Variants in GOT1 observed in about 807,000 individuals in gnomAD.
GOT1 encodes the protein glutamic-oxaloacetic transaminase 1, also known as aspartate aminotransferase, cytoplasmic.
A neutral mutation model predicts 48.2 loss-of-function variants in GOT1; 25 were observed. The observed-to-expected ratio is 0.52, with a 90% CI of 0.38 to 0.72. The LOEUF (loss-of-function observed/expected upper bound fraction) is 0.72, where lower values mean the gene tolerates loss of function less well. Among genes scored for constraint, GOT1 ranks in the 30% least tolerant of loss-of-function variants. The pLI is 0.00. For synonymous variants in GOT1, 188 were observed against 193.8 expected (o/e 0.97, Z 0.25); for missense variants, 380 against 520.1 (o/e 0.73, Z 2.62).
intron 4 of GOT1, 45 bp from the exon 5 acceptor site, chr10:99,405,905 T>C (rs760586664): frequency 9.3e-5 from 102 of 1,091,786 alleles, no homozygotes; most frequent in Middle Eastern, 2.0e-4. Context: ...GATGGGAATA[T>C]TGGGAGACAG....
chr10:99,429,340 G>A (rs2033083700), intron 1 of GOT1, among the ~76,000 whole-genome samples: 1 of 147,924 alleles, frequency 6.8e-6, no homozygotes, highest in African/African-American at 2.5e-5. Context: ...GAGCCACCGC[G>A]CCCGGCCGAC....
intron 2 of GOT1, among the ~76,000 whole-genome samples, chr10:99,414,154 TAA>T (rs1275358593): frequency 9.9e-5 from 15 of 152,082 alleles, no homozygotes; most frequent in Non-Finnish European, 1.8e-4. Context: ...GCAAATTGGA[TAA>T]AGAGTCAAGA....
Position 99,428,078 on chromosome 10 carries a change from T to C in GOT1, c.118+2370A>G, listed in dbSNP as rs529246046. ...CTTCTGGCCTGTGCTGTCGGGGTGC[T>C]TTTTCTCTGCAGGAGCAGTTTATTT... On this transcript the variant is annotated intron_variant, in intron 1 of 8. Transcript: ENST00000370508. Among the ~76,000 whole-genome samples, 3 of 152,322 alleles carry C rather than the reference T, an allele frequency of 2.0e-5. No homozygotes were observed. In the South Asian group the frequency reaches 6.2e-4, roughly 32 times the overall value.
intron 5 of GOT1, 87 bp from the exon 6 acceptor site, chr10:99,403,961 A>T: frequency 7.8e-7 from 1 of 1,283,192 alleles, no homozygotes. Context: ...TGATGCCTGG[A>T]GGGAATTTCA....
In GOT1 at chr10:99,403,581, G is replaced by C. The variant is rs1589935156; in HGVS notation, c.847C>G (p.Gln283Glu). ...ATCTTCTCCATCTGGGAAAGGACTTGCAGGATGCTCTCAGGTTCTTTTCCA... is the reference window on the plus strand; with the variant it reads ...ATCTTCTCCATCTGGGAAAGGACTTCCAGGATGCTCTCAGGTTCTTTTCCA... ...VVGKEPESIL[Q>E]VLSQMEKIVR... is the part of the protein sequence containing the mutation. Residue 283 changes from glutamine to glutamate, a missense_variant, in exon 7 of 9, where the codon CAA (glutamine) becomes GAA (glutamate). Gln to Glu is a conservative substitution (Grantham distance 29). Transcript: ENST00000370508. 3.7e-6 allele frequency: 6 copies of C among 1,614,104 alleles called. No individual in the cohort carries two copies. In the East Asian group the frequency reaches 1.1e-4, roughly 30 times the overall value.
chr10:99,430,317 G>C (rs767002340), intron 1 of GOT1, 131 bp downstream of exon 1: 77 of 1,598,550 alleles, frequency 4.8e-5, no homozygotes, highest in Non-Finnish European at 6.4e-5. Flanking sequence ...CGTGGATCCA[G>C]CCTCCTCTCC....
chr10:99,430,103 C>T lies in GOT1; in HGVS notation c.118+345G>A, dbSNP rs1194673802. On this transcript the variant is annotated intron_variant, in intron 1 of 8. Transcript: ENST00000370508. ...CAACCAGAACCCTAAGCCTATCAGG[C>T]TTCCTATTTTTCTACCTCTCTCTAC... 3.1e-5 allele frequency: 14 copies of T among 457,820 alleles called. No homozygotes were observed. The East Asian group carries it at 8.0e-4, about 26-fold the overall frequency. The allele number at this position is 457,820 out of a possible 1,614,324, so 28.4% of individuals were successfully genotyped here. A position where few individuals can be genotyped will look rare whatever the true frequency, so the allele number is the denominator to read the frequency against.
At position 99,397,175 on chromosome 10, in the gene GOT1, A is replaced by G. The variant is rs1355696250; in HGVS notation, c.*372T>C. ...CCCACATTCACACTTTGGCTCCTTC[A>G]GACAACTTGATCTTTGGGACTAGAA... On this transcript the variant is annotated 3_prime_UTR_variant, in exon 9 of 9. Transcript: ENST00000370508. The surrounding 1 kb of genome is among the most constrained non-coding windows in gnomAD (Gnocchi z 5.4). The G allele has an allele frequency of 5.4e-6, 1 of 184,184 alleles. No individual in the cohort carries two copies. Among genetic ancestry groups the G allele is most frequent in the Admixed American group, 5.4e-5 (1 of 18,498 alleles). 11.4% of individuals were successfully genotyped at this position (184,184 alleles called of 1,614,324 possible). A position where few individuals can be genotyped will look rare whatever the true frequency, so the allele number is the denominator to read the frequency against.
Position 99,403,489 on chromosome 10 carries a change from G to A in GOT1, c.939C>T (p.Asn313=), listed in dbSNP as rs1402617800. The stretch of plus-strand genomic sequence containing the variant: ...CTTACCATTCCTCAAAGAGCTCAGG[G>A]TTAGAGAGGGTGCTGGCCACAATTC... ...GARIVASTLS[N]PELFEEWTGN... Residue 313 remains asparagine, a synonymous_variant, in exon 7 of 9, where the codon AAC becomes AAT. Transcript: ENST00000370508. 1 of 1,614,000 alleles carries A rather than the reference G, an allele frequency of 6.2e-7. No individual in the cohort carries two copies. The highest frequency in any genetic ancestry group is 2.2e-5 in the East Asian group (1 of 44,880).
At position 99,422,936 on chromosome 10, in the gene GOT1, A is replaced by G. The variant is rs998106212; in HGVS notation, c.119-2131T>C. Among the ~76,000 whole-genome samples the G allele has an allele frequency of 2.0e-5, 3 of 152,256 alleles. No homozygotes were observed. The South Asian group carries it at 6.2e-4, about 31-fold the overall frequency. ...TTTACAATCTTTGGCTATTAAAACA[A>G]TACTTCAGTGAACGACCCTGTACAT... On this transcript the variant is annotated intron_variant, in intron 1 of 8. Transcript: ENST00000370508.
chr10:99,424,491 C>A (rs1201002570), intron 1 of GOT1, among the ~76,000 whole-genome samples: 3 of 152,092 alleles, frequency 2.0e-5, no homozygotes, highest in African/African-American at 7.2e-5. Flanking sequence ...AAAACCAGTT[C>A]TGTTATGTTT....
At chr10:99,407,042 CTG>C (rs1278349423) in intron 2 of GOT1, among the ~76,000 whole-genome samples, 193 bp from the exon 3 acceptor site, 1 of 152,206 alleles carries the variant, frequency 6.6e-6, no homozygotes, top group Non-Finnish European at 1.5e-5. Flanking sequence ...ACTGAGGAAA[CTG>C]AGGCTGAGAG....
intron 8 of GOT1, among the ~76,000 whole-genome samples, chr10:99,399,891 T>C (rs2032648378): frequency 6.6e-6 from 1 of 152,136 alleles, no homozygotes; most frequent in African/African-American, 2.4e-5. Flanking sequence ...TCCAAACCAG[T>C]GAACAAAGAA....
In GOT1 at chr10:99,406,708, T is replaced by G; in HGVS notation, c.424+18A>C. On this transcript the variant is annotated intron_variant, in intron 3 of 8. Transcript: ENST00000370508. ...CTCTGGTTTCTGTTTTTCCTCTCAC[T>G]TCAGCTGAAAGACTCACCCCAGGTT... 1 of 1,610,374 alleles carries G rather than the reference T, an allele frequency of 6.2e-7. No individual in the cohort carries two copies. Among genetic ancestry groups the G allele is most frequent in the Non-Finnish European group, 8.5e-7 (1 of 1,176,790 alleles).
chr10:99,411,875 A>C (rs1041416889), intron 2 of GOT1, among the ~76,000 whole-genome samples: 2 of 152,102 alleles, frequency 1.3e-5, no homozygotes, highest in Non-Finnish European at 2.9e-5. Context: ...AGCAATGATC[A>C]CTCTCCTGGG....
intron 8 of GOT1, 54 bp downstream of exon 8, chr10:99,402,526 G>C (rs530846447): frequency 6.3e-7 from 1 of 1,591,336 alleles, no homozygotes; most frequent in South Asian, 1.1e-5. Flanking sequence ...CGACTGAAAG[G>C]AATGTTGTGT....
At chr10:99,399,214 A>T (rs2032639612) in intron 8 of GOT1, among the ~76,000 whole-genome samples, 1 of 152,070 alleles carries the variant, frequency 6.6e-6, no homozygotes, top group Admixed American at 6.6e-5. Flanking sequence ...TCTAGGGGAG[A>T]TTAACTGAGA....
Position 99,402,725 on chromosome 10 carries a change from GAA to G in GOT1, c.960-5_960-4del, listed in dbSNP as rs2032697759. 3.7e-6 allele frequency: 6 copies of G among 1,612,532 alleles called. No homozygotes were observed. The highest frequency in any genetic ancestry group is 5.1e-6 in the Non-Finnish European group (6 of 1,178,640). ...CCATTGTCTTCACATTACCTGTCCT[GAA>G]GCATGGACAGTGACGTAAATACCAA... is the stretch of plus-strand genomic sequence containing the variant. On this transcript the variant is annotated splice_region_variant and splice_polypyrimidine_tract_variant and intron_variant, in intron 7 of 8. Transcript: ENST00000370508.
intron 1 of GOT1, 115 bp downstream of exon 1, chr10:99,430,333 C>T: frequency 6.2e-7 from 1 of 1,604,386 alleles, no homozygotes; most frequent in Non-Finnish European, 8.5e-7. Flanking sequence ...TCTCCGGCGC[C>T]GCCCTCTTCA....
Sources: allele counts gnomAD v4.1 joint callset (sites outside exome capture counted in the v4.1 genomes callset), GRCh38; gene constraint gnomAD v4.1.1; non-coding constraint Gnocchi (gnomAD v3.1); transcripts MANE v1.5; gene names NCBI Gene and HGNC (gene_info 2026-07-23, HGNC 2026-07-21).